The following STAT4 variants were observed in gnomAD, a reference collection of about 807,000 sequenced individuals.
STAT4 encodes signal transducer and activator of transcription 4.
STAT4 carries 42 observed loss-of-function variants against 110.5 expected under a neutral mutation model. The observed-to-expected ratio is 0.38, with a 90% confidence interval of 0.30 to 0.49. The LOEUF is 0.49. Ranked by LOEUF, STAT4 falls within the 20% of genes least tolerant of loss-of-function variation. The pLI is 0.95. For synonymous variants in STAT4, 284 were observed against 302.2 expected (o/e 0.94, Z 0.63); for missense variants, 632 against 887.9 (o/e 0.71, Z 3.66).
At chr2:191,098,950 T>C (rs1698081957) in intron 3 of STAT4, among the ~76,000 whole-genome samples, 1 of 151,720 alleles carries the variant, frequency 6.6e-6, no homozygotes, top group Non-Finnish European at 1.5e-5. Context: ...ACATTAGTAA[T>C]TCATAAAAAA....
intron 14 of STAT4, among the ~76,000 whole-genome samples, chr2:191,044,072 A>G (rs1696281334): frequency 6.6e-6 from 1 of 152,140 alleles, no homozygotes. Flanking sequence ...CTATATTTGC[A>G]AAGTTTGAAT....
At chr2:191,141,616 T>C (rs61016895) in intron 3 of STAT4, among the ~76,000 whole-genome samples, 112,624 of 138,524 alleles carry the variant, frequency 0.81, 43,558 homozygotes, top group African/African-American at 0.83. Context: ...CACACACACA[T>C]ATATATATAT....
In STAT4 at chr2:191,039,478, T is replaced by C; in HGVS notation, c.1336-181A>G. Among the ~76,000 whole-genome samples, 1 of 152,148 alleles carries C rather than the reference T, an allele frequency of 6.6e-6. No individual in the cohort carries two copies. The highest frequency in any genetic ancestry group is 2.1e-4 in the South Asian group (1 of 4,828). ...GGCCATGGAACTTTCTGAGCATGCA[T>C]AAGTAAGGGCACAGAGAGGAAAGAG... On this transcript the variant is annotated intron_variant, in intron 15 of 23. Coordinates refer to ENST00000392320, the MANE Select transcript of STAT4 (RefSeq NM_003151.4). The surrounding 1 kb of genome is among the most constrained non-coding windows in gnomAD (Gnocchi z 4.7).
In STAT4 at chr2:191,041,125, T is replaced by A. The variant is rs1218971959; in HGVS notation, c.1275A>T (p.Glu425Asp). Residue 425 changes from glutamate to aspartate, a missense_variant, in exon 15 of 24, where the codon GAA becomes GAT. Glu to Asp is a conservative substitution (Grantham distance 45). Around this residue, in one of 4 missense-constraint regions of STAT4, gnomAD observed 488 missense variants for 632.8 expected, o/e 0.77. Coordinates refer to ENST00000392320, the MANE Select transcript of STAT4 (RefSeq NM_003151.4). ...GNEGCHMVTE[E>D]LHSITFETQI... is the part of the protein sequence containing the mutation. ...GTGTTTCAAACGTTATGGAATGAAG[T>A]TCTTCAGTCACCATGTGACAGCCCT... is the stretch of plus-strand genomic sequence containing the variant. The A allele has an allele frequency of 6.7e-7, 1 of 1,486,548 alleles. No individual in the cohort carries two copies. The highest frequency in any genetic ancestry group is 9.0e-7 in the Non-Finnish European group (1 of 1,112,518). The allele number at this position is 1,486,548 out of a possible 1,614,324, so 92.1% of individuals were successfully genotyped here.
chr2:191,067,958 T>G (rs1410835471), intron 6 of STAT4: 2 of 152,118 alleles, frequency 1.3e-5, no homozygotes, highest in Non-Finnish European at 2.9e-5. Flanking sequence ...AGGAACTCAT[T>G]TCTGGTTGTA....
intron 3 of STAT4, among the ~76,000 whole-genome samples, chr2:191,111,656 C>A (rs1369573500): frequency 6.6e-6 from 1 of 152,086 alleles, no homozygotes; most frequent in Non-Finnish European, 1.5e-5. Context: ...AGTTAGAGAC[C>A]AGCCTGGGCA....
chr2:191,139,889 C>T (rs1699276648), intron 3 of STAT4, among the ~76,000 whole-genome samples: 1 of 152,160 alleles, frequency 6.6e-6, no homozygotes, highest in Admixed American at 6.5e-5. Context: ...CAGCATGGTA[C>T]TGGCATAAAA....
At chr2:191,055,029 A>G (rs1442254137) in intron 13 of STAT4, among the ~76,000 whole-genome samples, 1 of 152,206 alleles carries the variant, frequency 6.6e-6, no homozygotes, top group Non-Finnish European at 1.5e-5. Flanking sequence ...GATGTAGATT[A>G]CTGAATGAAA....
At chr2:191,068,324 C>T (rs1697049845) in intron 6 of STAT4, 1 of 152,144 alleles carries the variant, frequency 6.6e-6, no homozygotes, top group Admixed American at 6.5e-5. Flanking sequence ...ATTAAATTTA[C>T]AGTTGTTCTA....
Position 191,146,546 on chromosome 2 carries a change from T to C in STAT4, c.273+67A>G. 7.7e-7 allele frequency: 1 copy of C among 1,292,452 alleles called. No homozygotes were observed. The highest frequency in any genetic ancestry group is 1.0e-6 in the Non-Finnish European group (1 of 998,676). The allele number at this position is 1,292,452 out of a possible 1,614,324, so 80.1% of individuals were successfully genotyped here. ...TTTGAAAATAATATAAGGGTACATA[T>C]TTAATTTTTAACTAAATTTAAGACT... On this transcript the variant is annotated intron_variant, in intron 3 of 23. Transcript: ENST00000392320. This position sits in a 1 kb window ranked among gnomAD's most constrained non-coding sequence, Gnocchi z 4.5.
At chr2:191,075,684 A>C (rs979761927) in intron 4 of STAT4, among the ~76,000 whole-genome samples, 4 of 152,274 alleles carry the variant, frequency 2.6e-5, no homozygotes, top group African/African-American at 9.6e-5. Flanking sequence ...CTGGAAAGAC[A>C]TGGTAATTGT....
chr2:191,071,078 C>T (rs10168266), intron 5 of STAT4, among the ~76,000 whole-genome samples: 29,777 of 152,122 alleles, frequency 0.2, 3,142 homozygotes, highest in East Asian at 0.33. Flanking sequence ...CTACATGATA[C>T]ACTGTCTACC....
In STAT4 at chr2:191,138,519, T is replaced by A. The variant is rs79331391; in HGVS notation, c.273+8094A>T. Reference sequence around the variant, plus strand: ...AGGAAATCTAGAGGAGATAGATAAATTCCTGGAAATATAAAACCCTCCTAA... The same window carrying A: ...AGGAAATCTAGAGGAGATAGATAAAATCCTGGAAATATAAAACCCTCCTAA... On this transcript the variant is annotated intron_variant, in intron 3 of 23. Transcript: ENST00000392320. This position sits in a 1 kb window ranked among gnomAD's most constrained non-coding sequence, Gnocchi z 4.3. Among the ~76,000 whole-genome samples the A allele has an allele frequency of 1.8e-3, 278 of 152,216 alleles. No individual in the cohort carries two copies. Among genetic ancestry groups the A allele is most frequent in the African/African-American group, 6.4e-3 (267 of 41,552 alleles).
rs1487788926 is a variant in STAT4, at chr2:191,043,702, A to G, written c.1252-2554T>C. On this transcript the variant is annotated intron_variant, in intron 14 of 23. Coordinates refer to ENST00000392320, the MANE Select transcript of STAT4 (RefSeq NM_003151.4). This position sits in a 1 kb window ranked among gnomAD's most constrained non-coding sequence, Gnocchi z 4.8. ...TAGAATGCTAAAATGATTCATCAAT[A>G]GGAGAATAGCTAGCTATACTGTGTA... Among the ~76,000 whole-genome samples, 1 of 152,216 alleles carries G rather than the reference A, an allele frequency of 6.6e-6. No homozygotes were observed. The highest frequency in any genetic ancestry group is 1.5e-5 in the Non-Finnish European group (1 of 68,042).
Position 191,061,685 on chromosome 2 carries a change from T to C in STAT4, c.1034+44A>G, listed in dbSNP as rs1559049266. The C allele has an allele frequency of 6.4e-7, 1 of 1,567,182 alleles. No homozygotes were observed. On this transcript the variant is annotated intron_variant, in intron 10 of 23. Transcript: ENST00000392320. This position sits in a 1 kb window ranked among gnomAD's most constrained non-coding sequence, Gnocchi z 6.2. ...ATTGGCCTTGATCATCCAGAGACTATAGCTCCACAAACACACGAAATAGTA... is the reference window on the plus strand; with the variant it reads ...ATTGGCCTTGATCATCCAGAGACTACAGCTCCACAAACACACGAAATAGTA...
rs1271424413 is a variant in STAT4 at position 191,035,624 on chromosome 2, A to C, written c.1570+540T>G. ...TGACTCTATTTTGCAAACTTTAGAA[A>C]TCTCAGTCAAAGCTGAAACTTTCTT... On this transcript the variant is annotated intron_variant, in intron 17 of 23. Coordinates refer to ENST00000392320, the MANE Select transcript of STAT4 (RefSeq NM_003151.4). This position sits in a 1 kb window ranked among gnomAD's most constrained non-coding sequence, Gnocchi z 4.7. 6.6e-6 allele frequency among the ~76,000 whole-genome samples: 1 copy of C among 152,262 alleles called. No individual in the cohort carries two copies. The highest frequency in any genetic ancestry group is 2.4e-5 in the African/African-American group (1 of 41,474).
rs141401956 is a variant in STAT4 at position 191,074,071 on chromosome 2, T to G, written c.373-881A>C. ...GTTGAATCTGCTGGGATGAGATTTG[T>G]TTTTACTTTAGAACAAAGGGAGTTT... On this transcript the variant is annotated intron_variant, in intron 4 of 23. Transcript: ENST00000392320. Among the ~76,000 whole-genome samples the G allele has an allele frequency of 6.4e-3, 977 of 152,292 alleles. 9 individuals are homozygous for G. Among genetic ancestry groups the G allele is most frequent in the African/African-American group, 0.021 (891 of 41,556 alleles).
In STAT4 at chr2:191,099,233, T is replaced by C. The variant is rs933452745; in HGVS notation, c.274-22908A>G. On this transcript the variant is annotated intron_variant, in intron 3 of 23. Transcript: ENST00000392320. This position sits in a 1 kb window ranked among gnomAD's most constrained non-coding sequence, Gnocchi z 4.1. ...ATAATATCTATTGTTAATGAAGATA[T>C]GGGGATGAGGGTCCTAGTACACTTT... is the stretch of plus-strand genomic sequence containing the variant. Among the ~76,000 whole-genome samples, 5 of 152,122 alleles carry C rather than the reference T, an allele frequency of 3.3e-5. No individual in the cohort carries two copies. Among genetic ancestry groups the C allele is most frequent in the African/African-American group, 1.2e-4 (5 of 41,442 alleles).
chr2:191,110,841 T>C lies in STAT4; in HGVS notation c.274-34516A>G, dbSNP rs143225659. Among the ~76,000 whole-genome samples, 1,038 of 152,322 alleles carry C rather than the reference T, an allele frequency of 6.8e-3. 6 individuals are homozygous for C. The highest frequency in any genetic ancestry group is 0.011 in the Non-Finnish European group (727 of 68,018). ...CTTTGTCATCCAGGCTGGAGTGCAG[T>C]GGCGCAGTCTCGTCTCACTGCAACC... On this transcript the variant is annotated intron_variant, in intron 3 of 23. Transcript: ENST00000392320. The surrounding 1 kb of genome is among the most constrained non-coding windows in gnomAD (Gnocchi z 4.5).
Sources: gnomAD v4.1 joint callset for allele counts (sites outside exome capture counted in the v4.1 genomes callset) on GRCh38, gnomAD v4.1.1 for gene constraint, gnomAD v4.1.1 regional missense constraint, Gnocchi (gnomAD v3.1) non-coding constraint, MANE v1.5 for transcripts, NCBI Gene and HGNC (gene_info 2026-07-23, HGNC 2026-07-21) for gene names.